PNPLA7: variants seen among roughly 807,000 people sequenced by gnomAD.
PNPLA7 encodes the protein patatin like domain 7, lysophospholipase, also known as patatin-like phospholipase domain-containing protein 7.
In PNPLA7, 153 loss-of-function variants were observed where a neutral mutation model predicts 161.7. The observed-to-expected ratio is 0.95, with a 90% confidence interval of 0.83 to 1.08. PNPLA7 has a LOEUF of 1.08. PNPLA7 is among the 50% of genes least tolerant of loss of function. The pLI, the probability that PNPLA7 is intolerant of heterozygous loss-of-function variation, is 0.00. For synonymous variants in PNPLA7, 809 were observed against 782.1 expected, an observed-to-expected ratio of 1.03 and a Z score of -0.57; for missense variants, 1,739 against 1,856.6, an observed-to-expected ratio of 0.94 and a Z score of 1.16.
rs116310481 is a variant in PNPLA7 at position 137,550,226 on chromosome 9, C to T, written c.-29G>A. ...CAGAAACAGAAAAAACAGTCAGGGG[C>T]GAAAAGCAGACAGCCTGAAGCAAAC... On this transcript the variant is annotated 5_prime_UTR_variant, in exon 1 of 35. Transcript: ENST00000406427. 6.1e-4 allele frequency: 987 copies of T among 1,612,978 alleles called. 9 individuals carry two copies. In the African/African-American group the frequency reaches 0.011, roughly 17 times the overall value.
At position 137,500,988 on chromosome 9, in the gene PNPLA7, C is replaced by T; in HGVS notation, c.1552-92G>A. On this transcript the variant is annotated intron_variant, in intron 15 of 34. Coordinates refer to ENST00000406427, the MANE Select transcript of PNPLA7 (RefSeq NM_001098537.3). The surrounding 1 kb of genome is among the most constrained non-coding windows in gnomAD (Gnocchi z 5.5). Reference sequence around the variant, plus strand: ...CCAGAGCGGACGATGCCACCAGGCTCAGCCGGGAGACCATCCGCCGACCTG... The same window carrying T: ...CCAGAGCGGACGATGCCACCAGGCTTAGCCGGGAGACCATCCGCCGACCTG... 8.3e-7 allele frequency: 1 copy of T among 1,206,890 alleles called. No individual in the cohort carries two copies. The highest frequency in any genetic ancestry group is 1.2e-6 in the Non-Finnish European group (1 of 868,694). The allele number at this position is 1,206,890 out of a possible 1,614,324, so 74.8% of individuals were successfully genotyped here.
Position 137,461,944 on chromosome 9 carries a change from T to C in PNPLA7, c.3743A>G (p.Lys1248Arg). ...GCCCGTACTCACCGCACTCGCGGGC[T>C]TCTTGCTCGGCCCCTGCTGGTCGCG... is the stretch of plus-strand genomic sequence containing the variant. ...MLRDQQGPSK[K>R]PASAVLTCPN... The change falls in exon 32 of 35, where the codon AAG becomes AGG. Residue 1248 changes from lysine (K) to arginine (R), a missense_variant. Physicochemically the swap from Lys to Arg is conservative, Grantham distance 26. This residue lies in a region of PNPLA7 where 703 missense variants were observed against 694.6 expected (regional missense o/e 1.01). Transcript: ENST00000406427. The C allele has an allele frequency of 1.3e-6, 2 of 1,580,540 alleles. No homozygotes were observed. Among genetic ancestry groups the C allele is most frequent in the Non-Finnish European group, 8.6e-7 (1 of 1,168,092 alleles).
Position 137,547,625 on chromosome 9 carries a change from C to T in PNPLA7, c.65G>A (p.Trp22Ter), listed in dbSNP as rs770688001. 2.5e-6 allele frequency: 4 copies of T among 1,613,164 alleles called. No individual in the cohort carries two copies. Among genetic ancestry groups the T allele is most frequent in the Non-Finnish European group, 3.4e-6 (4 of 1,179,864 alleles). ...DFCLGTALHS[W>*]GLWFTEEGSP... ...ACCTTCCTCCGTGAACCACAGTCCC[C>T]AAGAGTGCAGGGCGGTGCCCAGGCA... The change falls in exon 2 of 35, where the codon TGG becomes TAG. Residue 22 changes from tryptophan to a stop codon, truncating the protein, a stop_gained. Transcript: ENST00000406427. LOFTEE classifies it high-confidence loss of function. The surrounding 1 kb of genome is among the most constrained non-coding windows in gnomAD (Gnocchi z 4.6).
At chr9:137,478,280 T>G (rs1832036514) in intron 24 of PNPLA7, 128 bp from the exon 25 acceptor site, 1 of 658,492 alleles carries the variant, frequency 1.5e-6, no homozygotes, top group African/African-American at 1.9e-5. Context: ...CTCTCCAGCA[T>G]GCAGCAGGCC....
At position 137,523,695 on chromosome 9, in the gene PNPLA7, T is replaced by C. The variant is rs920751531; in HGVS notation, c.748-838A>G. Among the ~76,000 whole-genome samples the C allele has an allele frequency of 2.0e-5, 3 of 151,614 alleles. No individual in the cohort carries two copies. The highest frequency in any genetic ancestry group is 2.9e-5 in the Non-Finnish European group (2 of 67,904). ...AGGCTGGAGTGCAATGGCGTGATCTTGGCTCACTGCAAGCTCCGCCTCCCG... is the reference window on the plus strand; with the variant it reads ...AGGCTGGAGTGCAATGGCGTGATCTCGGCTCACTGCAAGCTCCGCCTCCCG... On this transcript the variant is annotated intron_variant, in intron 8 of 34. Transcript: ENST00000406427. This position sits in a 1 kb window ranked among gnomAD's most constrained non-coding sequence, Gnocchi z 4.4.
intron 23 of PNPLA7, 171 bp from the exon 24 acceptor site, chr9:137,479,409 A>G (rs1219276658): frequency 1.5e-6 from 2 of 1,303,702 alleles, no homozygotes; most frequent in Non-Finnish European, 1.9e-6. Flanking sequence ...CGAAGCTCTG[A>G]CGGCAGGGGT....
intron 33 of PNPLA7, 38 bp downstream of exon 33, chr9:137,461,498 C>T: frequency 6.3e-7 from 1 of 1,578,254 alleles, no homozygotes; most frequent in Non-Finnish European, 8.7e-7. Flanking sequence ...CAGGAGGTCA[C>T]GCACGTCTCC....
intron 24 of PNPLA7, chr9:137,478,791 G>A (rs1429760365): frequency 2.4e-6 from 1 of 424,588 alleles, no homozygotes; most frequent in Non-Finnish European, 4.2e-6. Context: ...CCCTGATTCA[G>A]GCCCATCCCC....
In PNPLA7 at chr9:137,495,094, T is replaced by G; in HGVS notation, c.2066A>C (p.Asp689Ala). 1 of 1,609,282 alleles carries G rather than the reference T, an allele frequency of 6.2e-7. No individual in the cohort carries two copies. The highest frequency in any genetic ancestry group is 1.3e-5 in the African/African-American group (1 of 75,016). Residue 689 changes from aspartate (D) to alanine (A), a missense_variant, in exon 19 of 35, where the codon GAC becomes GCC. By Grantham distance (126) the Asp-to-Ala change is moderately radical (BLOSUM62 -2). Around this residue, in one of 6 missense-constraint regions of PNPLA7, gnomAD observed 192 missense variants for 249.5 expected, o/e 0.77. Transcript: ENST00000406427. ...TGCCGGCAGCTTGGCCAATTCTGAG[T>G]CCCGAACGGCATGCACCGTGGTCGC... ...ARATTVHAVR[D>A]SELAKLPAGA...
At chr9:137,511,216 C>T (rs924476611) in intron 12 of PNPLA7, among the ~76,000 whole-genome samples, 1 of 151,934 alleles carries the variant, frequency 6.6e-6, no homozygotes, top group Non-Finnish European at 1.5e-5. Context: ...GGACCTTGGT[C>T]TGGCGGTAGC....
At chr9:137,527,292 C>CA (rs758239777) in intron 8 of PNPLA7, among the ~76,000 whole-genome samples, 6 of 131,012 alleles carry the variant, frequency 4.6e-5, no homozygotes, top group African/African-American at 9.2e-5. Context: ...CACAAAAAAA[C>CA]AAAAAAACAA....
Position 137,521,382 on chromosome 9 carries a change from C to G in PNPLA7, c.957+254G>C, listed in dbSNP as rs897199945. The stretch of plus-strand genomic sequence containing the variant: ...GGAATTCCACCTTTCCCAAGTCCAA[C>G]GGATCAGAGATTTTGGAACACAAGG... On this transcript the variant is annotated intron_variant, in intron 10 of 34. Coordinates refer to ENST00000406427, the MANE Select transcript of PNPLA7 (RefSeq NM_001098537.3). Among the ~76,000 whole-genome samples the G allele has an allele frequency of 4.6e-5, 7 of 152,208 alleles. No individual in the cohort carries two copies. The South Asian group carries it at 8.3e-4, about 18-fold the overall frequency.
rs1048279990 is a variant in PNPLA7 at position 137,468,787 on chromosome 9, A to C, written c.2883-1314T>G. Among the ~76,000 whole-genome samples the C allele has an allele frequency of 6.6e-6, 1 of 152,066 alleles. No homozygotes were observed. Among genetic ancestry groups the C allele is most frequent in the Non-Finnish European group, 1.5e-5 (1 of 68,022 alleles). On this transcript the variant is annotated intron_variant, in intron 25 of 34. Transcript: ENST00000406427. This position sits in a 1 kb window ranked among gnomAD's most constrained non-coding sequence, Gnocchi z 4.0. Reference sequence around the variant, plus strand: ...AACAGTGGCAATTGTTCATTTCACGACATTGTAACAACATTGTATCATTAA... The same window carrying C: ...AACAGTGGCAATTGTTCATTTCACGCCATTGTAACAACATTGTATCATTAA...
At chr9:137,497,136 T>C in intron 18 of PNPLA7, 51 bp downstream of exon 18, 2 of 1,462,190 alleles carry the variant, frequency 1.4e-6, no homozygotes, top group Non-Finnish European at 1.8e-6. Flanking sequence ...CCCAGGATGC[T>C]CTGGGAGGGA....
chr9:137,479,825 G>C (rs1179422393), intron 23 of PNPLA7: 1 of 985,332 alleles, frequency 1.0e-6, no homozygotes, highest in African/African-American at 1.7e-5. Flanking sequence ...GACACAGCCT[G>C]GGGCCAGCGT....
intron 12 of PNPLA7, among the ~76,000 whole-genome samples, chr9:137,511,377 G>GGGAAGGCACCC (rs1834226623): frequency 2.3e-5 from 3 of 130,814 alleles, no homozygotes; most frequent in Admixed American, 7.4e-5. Flanking sequence ...ACCTTGGCCT[G>GGGAAGGCACCC]GTGGTAGCGC....
chr9:137,525,668 C>T (rs547125124), intron 8 of PNPLA7, among the ~76,000 whole-genome samples: 9 of 150,664 alleles, frequency 6.0e-5, no homozygotes, highest in Admixed American at 1.3e-4. Flanking sequence ...GGGCGTAACA[C>T]GAAAGTGGAC....
At chr9:137,517,259 G>A (rs1834646724) in intron 11 of PNPLA7, among the ~76,000 whole-genome samples, 1 of 83,088 alleles carries the variant, frequency 1.2e-5, no homozygotes, top group Non-Finnish European at 2.3e-5. Flanking sequence ...ACTCCACTCT[G>A]TCCACTCCAT....
At chr9:137,460,539 A>T in intron 34 of PNPLA7, 63 bp from the exon 35 acceptor site, 2 of 1,600,412 alleles carry the variant, frequency 1.2e-6, no homozygotes, top group Non-Finnish European at 8.5e-7. Flanking sequence ...CAGCGCTGGT[A>T]ACCCGGTGGG....
Sources: gnomAD v4.1 joint callset for allele counts (sites outside exome capture counted in the v4.1 genomes callset) on GRCh38, gnomAD v4.1.1 for gene constraint, gnomAD v4.1.1 regional missense constraint, Gnocchi (gnomAD v3.1) non-coding constraint, MANE v1.5 for transcripts, NCBI Gene and HGNC (gene_info 2026-07-23, HGNC 2026-07-21) for gene names.